Variants in ERLN observed in about 807,000 individuals in gnomAD.
The protein encoded by ERLN is small integral membrane protein 6.
At chr17:75,647,599 G>A in the ERLN span, 7 of 1,544,336 alleles carry the variant, frequency 4.5e-6, no homozygotes, top group African/African-American at 9.6e-5. Context: ...GGCAGCAGGG[G>A]AGGCGAGCTG....
chr17:75,647,580 G>C, the ERLN span: 1 of 1,549,336 alleles, frequency 6.5e-7, no homozygotes, highest in South Asian at 1.2e-5. Flanking sequence ...ACTTGCTGGG[G>C]ACTGAGATGG....
the ERLN span, chr17:75,647,370 G>C: frequency 6.5e-7 from 1 of 1,545,558 alleles, no homozygotes; most frequent in Non-Finnish European, 8.7e-7. Context: ...CTCTTTTCCA[G>C]ATTCTCATGG....
the ERLN span, among the ~76,000 whole-genome samples, chr17:75,646,952 GCT>G: frequency 6.6e-6 from 1 of 152,180 alleles, no homozygotes; most frequent in Non-Finnish European, 1.5e-5. Flanking sequence ...GCTCCTATAC[GCT>G]CTCTCAAATG....
At chr17:75,647,277 G>A in the ERLN span, 6 of 1,100,544 alleles carry the variant, frequency 5.5e-6, no homozygotes, top group Admixed American at 2.5e-5. Flanking sequence ...CACAGAGGCT[G>A]CTACAGAGGC....
At chr17:75,647,476 G>A in the ERLN span, 7 of 1,550,304 alleles carry the variant, frequency 4.5e-6, no homozygotes, top group Middle Eastern at 4.2e-4. Flanking sequence ...ATTCATCACC[G>A]CTGTCCTGCT....
the ERLN span, chr17:75,647,632 G>C: frequency 8.1e-6 from 12 of 1,488,506 alleles, no homozygotes; most frequent in Non-Finnish European, 1.1e-5. Context: ...TCCAGTGGTG[G>C]GCCCCTTCGC....
At chr17:75,646,412 A>T in the ERLN span, 1 of 152,436 alleles carries the variant, frequency 6.6e-6, no homozygotes, top group Non-Finnish European at 1.5e-5. Context: ...CCCTCGGTCC[A>T]GTCTCTTCCC....
the ERLN span, chr17:75,647,346 C>T: frequency 3.9e-6 from 6 of 1,527,036 alleles, no homozygotes; most frequent in African/African-American, 1.4e-5. Context: ...TGCCTGCACT[C>T]AGGTCCTCTG....
chr17:75,647,588 T>C, the ERLN span: 2 of 1,548,786 alleles, frequency 1.3e-6, no homozygotes, highest in Non-Finnish European at 1.7e-6. Flanking sequence ...GGGACTGAGA[T>C]GGCAGCAGGG....
the ERLN span, chr17:75,646,324 C>G: frequency 1.3e-5 from 2 of 152,402 alleles, no homozygotes; most frequent in Non-Finnish European, 2.9e-5. Context: ...GGGGCAGGTC[C>G]GCAGTCCACA....
chr17:75,646,663 T>C, the ERLN span: 3 of 152,336 alleles, frequency 2.0e-5, no homozygotes, highest in Non-Finnish European at 4.4e-5. Context: ...AGTTGCTTCT[T>C]TGAGTCAGGG....
the ERLN span, chr17:75,647,488 C>T: frequency 6.4e-7 from 1 of 1,550,390 alleles, no homozygotes; most frequent in Non-Finnish European, 8.7e-7. Context: ...TGTCCTGCTT[C>T]TCATCTTATT....
the ERLN span, chr17:75,646,404 C>T: frequency 6.6e-6 from 1 of 152,462 alleles, no homozygotes; most frequent in African/African-American, 2.4e-5. Context: ...GGCAAAGGCC[C>T]TCGGTCCAGT....
the ERLN span, chr17:75,647,295 G>T: frequency 7.7e-7 from 1 of 1,298,800 alleles, no homozygotes. Context: ...GGCTGGAGTC[G>T]GCGGGCAGAG....
chr17:75,647,511 T>G, the ERLN span: 1 of 1,550,412 alleles, frequency 6.4e-7, no homozygotes, highest in South Asian at 1.2e-5. Context: ...CCATCGTGTT[T>G]GGTTTACTCA....
the ERLN span, chr17:75,647,229 C>A: frequency 1.5e-6 from 1 of 648,096 alleles, no homozygotes; most frequent in Non-Finnish European, 2.6e-6. Flanking sequence ...AGACTCTAGC[C>A]CTTTCATGTC....
the ERLN span, chr17:75,647,298 G>T: frequency 7.6e-7 from 1 of 1,324,472 alleles, no homozygotes; most frequent in Admixed American, 2.4e-5. Context: ...TGGAGTCGGC[G>T]GGCAGAGCAT....
chr17:75,647,627 T>C, the ERLN span: 5 of 1,494,772 alleles, frequency 3.3e-6, no homozygotes, highest in Non-Finnish European at 4.5e-6. Flanking sequence ...CCCATTCCAG[T>C]GGTGGGCCCC....
the ERLN span, chr17:75,646,846 G>C: frequency 6.5e-6 from 1 of 152,930 alleles, no homozygotes; most frequent in African/African-American, 2.4e-5. Context: ...CTTGCAGTCT[G>C]CGATAAGGAG....
Sources: gnomAD v4.1 joint callset for allele counts (sites outside exome capture counted in the v4.1 genomes callset) on GRCh38, gnomAD v4.1.1 for gene constraint, MANE v1.5 for transcripts, NCBI Gene and HGNC (gene_info 2026-07-23, HGNC 2026-07-21) for gene names.